CARS2: variants seen among roughly 807,000 people sequenced by gnomAD.
CARS2 encodes the protein cysteinyl-tRNA synthetase 2, mitochondrial, also known as probable cysteine--tRNA ligase, mitochondrial.
A neutral mutation model predicts 68.8 loss-of-function variants in CARS2; 52 were observed. That is an observed-to-expected ratio of 0.76 (90% confidence interval 0.61 to 0.95). The LOEUF is 0.95. CARS2 is among the 40% of genes least tolerant of loss of function. CARS2 has a pLI of 0.00. For synonymous variants in CARS2, 314 were observed against 303.6 expected (o/e 1.03, Z -0.36); for missense variants, 780 against 754.2 (o/e 1.03, Z -0.40).
At chr13:110,669,004 T>C (rs1320849951) in intron 7 of CARS2, among the ~76,000 whole-genome samples, 1 of 152,230 alleles carries the variant, frequency 6.6e-6, no homozygotes, top group Non-Finnish European at 1.5e-5. Context: ...TAAGTATTGA[T>C]AAACACATAG....
At chr13:110,706,426 C>T (rs377669041), upstream of CARS2, 53 of 181,780 alleles carry the variant, frequency 2.9e-4, 1 homozygote, top group South Asian at 0.01. Flanking sequence ...CGTGTGCGCG[C>T]GGTACCAGCC....
chr13:110,713,033 G>A, intron 1 of CARS2: 1 of 1,485,544 alleles, frequency 6.7e-7, no homozygotes, highest in Non-Finnish European at 8.9e-7. Flanking sequence ...GAGGGTGCCA[G>A]TGCGCATGCG....
In CARS2 at chr13:110,641,469, A is replaced by G; in HGVS notation, c.*68T>C. 2 of 1,299,548 alleles carry G rather than the reference A, an allele frequency of 1.5e-6. No homozygotes were observed. Among genetic ancestry groups the G allele is most frequent in the South Asian group, 1.2e-5 (1 of 84,952 alleles). The allele number at this position is 1,299,548 out of a possible 1,614,324, so 80.5% of individuals were successfully genotyped here. On this transcript the variant is annotated 3_prime_UTR_variant, in exon 15 of 15. Transcript: ENST00000257347. Reference sequence around the variant, plus strand: ...AGCAGCCCCGACAGGAAGCTTTAACATAAAGCCTTGACCCTGAGAAGCATG... The same window carrying G: ...AGCAGCCCCGACAGGAAGCTTTAACGTAAAGCCTTGACCCTGAGAAGCATG...
upstream of CARS2, chr13:110,706,146 C>T: frequency 8.1e-7 from 1 of 1,231,270 alleles, no homozygotes; most frequent in Non-Finnish European, 1.0e-6. Context: ...GCCGGGTACG[C>T]TGCCGGTCGC....
chr13:110,704,651 C>T (rs561520346), intron 2 of CARS2, among the ~76,000 whole-genome samples: 63 of 151,900 alleles, frequency 4.1e-4, no homozygotes, highest in Non-Finnish European at 7.2e-4. Flanking sequence ...TGCCAGGAGG[C>T]GGCAACTGGA....
intron 3 of CARS2, chr13:110,697,795 T>G: frequency 2.8e-6 from 1 of 362,650 alleles, no homozygotes; most frequent in Non-Finnish European, 5.4e-6. Flanking sequence ...GCACTCTTTT[T>G]AACAGCCAGA....
chr13:110,702,563 C>G (rs1461963676), intron 2 of CARS2, among the ~76,000 whole-genome samples: 5 of 152,154 alleles, frequency 3.3e-5, no homozygotes, highest in African/African-American at 1.2e-4. Flanking sequence ...AAAAAAATTA[C>G]AGGAACCTAA....
intron 3 of CARS2, among the ~76,000 whole-genome samples, chr13:110,700,420 T>G (rs527333706): frequency 5.3e-5 from 8 of 152,188 alleles, no homozygotes; most frequent in Admixed American, 1.3e-4. Flanking sequence ...CCAGTGACCT[T>G]GCTCTGAAGG....
intron 8 of CARS2, chr13:110,666,151 GA>G: frequency 2.0e-6 from 2 of 985,374 alleles, no homozygotes; most frequent in Non-Finnish European, 2.4e-6. Context: ...CCCGGCTGTG[GA>G]AATCAGTGCT....
In CARS2 at chr13:110,683,068, C is replaced by T; in HGVS notation, c.638G>A (p.Gly213Asp). Reference sequence around the variant, plus strand: ...CAACCCACCTGGCTCTCCGACTGGACCAGGGACCACGCCGACCAATTTGCC... The same window carrying T: ...CAACCCACCTGGCTCTCCGACTGGATCAGGGACCACGCCGACCAATTTGCC... ...KYGKLVGVVP[G>D]PVGEPADSDK... Residue 213 changes from glycine to aspartate, a missense_variant, in exon 6 of 15, where the codon GGT becomes GAT. Coordinates refer to ENST00000257347, the MANE Select transcript of CARS2 (RefSeq NM_024537.4). 6.2e-7 allele frequency: 1 copy of T among 1,602,336 alleles called. No homozygotes were observed. Among genetic ancestry groups the T allele is most frequent in the African/African-American group, 1.3e-5 (1 of 74,180 alleles).
chr13:110,651,981 C>G (rs1476237290), intron 9 of CARS2, among the ~76,000 whole-genome samples: 1 of 152,260 alleles, frequency 6.6e-6, no homozygotes, highest in African/African-American at 2.4e-5. Flanking sequence ...CAGGGACGCG[C>G]TCCGACGGGA....
At position 110,664,891 on chromosome 13, in the gene CARS2, C is replaced by T. The variant is rs187066337; in HGVS notation, c.920-1373G>A. ...TCCCGAGACACCGAGTCTGCCAGTGCGCTGACGCAGGACTCCCAGCCAGCA... is the reference window on the plus strand; with the variant it reads ...TCCCGAGACACCGAGTCTGCCAGTGTGCTGACGCAGGACTCCCAGCCAGCA... On this transcript the variant is annotated intron_variant, in intron 8 of 14. Coordinates refer to ENST00000257347, the MANE Select transcript of CARS2 (RefSeq NM_024537.4). The T allele has an allele frequency of 9.3e-5, 57 of 613,504 alleles. No homozygotes were observed. In the East Asian group the frequency reaches 2.7e-3, roughly 29 times the overall value. The allele number at this position is 613,504 out of a possible 1,614,324, so 38.0% of individuals were successfully genotyped here.
At position 110,676,940 on chromosome 13, in the gene CARS2, AGCCC is replaced by A. The variant is rs764269219; in HGVS notation, c.785+30_785+33del. ...CCTGAGCAGGCACCAGGGGAACTTGAGCCCCAACCCCCAGGAAGCGGCAGGCACC... is the reference window on the plus strand; with the variant it reads ...CCTGAGCAGGCACCAGGGGAACTTGACAACCCCCAGGAAGCGGCAGGCACC... On this transcript the variant is annotated intron_variant, in intron 7 of 14. Coordinates refer to ENST00000257347, the MANE Select transcript of CARS2 (RefSeq NM_024537.4). This position sits in a 1 kb window ranked among gnomAD's most constrained non-coding sequence, Gnocchi z 4.0. 9 of 1,497,684 alleles carry A rather than the reference AGCCC, an allele frequency of 6.0e-6. No individual in the cohort carries two copies. Among genetic ancestry groups the A allele is most frequent in the Non-Finnish European group, 8.1e-6 (9 of 1,117,478 alleles). The allele number at this position is 1,497,684 out of a possible 1,614,324, so 92.8% of individuals were successfully genotyped here.
chr13:110,642,221 G>C, intron 14 of CARS2, 94 bp downstream of exon 14: 1 of 962,958 alleles, frequency 1.0e-6, no homozygotes, highest in Non-Finnish European at 1.6e-6. Flanking sequence ...AAAAAAGCAT[G>C]GTCACGGGGG....
At chr13:110,709,090 T>C (rs887402266), upstream of CARS2, among the ~76,000 whole-genome samples, 42 of 151,452 alleles carry the variant, frequency 2.8e-4, no homozygotes, top group Non-Finnish European at 5.0e-4. Flanking sequence ...TTCTTTTTTT[T>C]TTTTTTGAGA....
At chr13:110,664,214 G>A (rs1430521063) in intron 8 of CARS2, 1 of 985,060 alleles carries the variant, frequency 1.0e-6, no homozygotes, top group African/African-American at 1.7e-5. Flanking sequence ...ACTTCAAACA[G>A]GAGTCCTCCA....
chr13:110,701,506 CA>C lies in CARS2; in HGVS notation c.324del (p.Phe108LeufsTer5). The C allele has an allele frequency of 5.6e-6, 9 of 1,599,062 alleles. No homozygotes were observed. The highest frequency in any genetic ancestry group is 7.7e-6 in the Non-Finnish European group (9 of 1,166,344). On this transcript the variant is annotated frameshift_variant, in exon 3 of 15. Coordinates refer to ENST00000257347, the MANE Select transcript of CARS2 (RefSeq NM_024537.4). LOFTEE classifies it high-confidence loss of function. ...CCCATCACCATGACTATGCTGCATC[CA>C]AAAACCTTGGTTAGGATCCTTCGAA... is the stretch of plus-strand genomic sequence containing the variant. ...DIIRRILTKV[F>X]GCSIVMVMGI...
chr13:110,712,898 A>G, intron 1 of CARS2: 1 of 1,506,236 alleles, frequency 6.6e-7, no homozygotes, highest in Non-Finnish European at 9.0e-7. Flanking sequence ...GGGAGACGAC[A>G]CAAAGGGAGG....
In CARS2 at chr13:110,675,114, T is replaced by C. The variant is rs1486229566; in HGVS notation, c.785+1860A>G. Among the ~76,000 whole-genome samples the C allele has an allele frequency of 2.6e-5, 4 of 152,332 alleles. No individual in the cohort carries two copies. The South Asian group carries it at 6.2e-4, about 24-fold the overall frequency. On this transcript the variant is annotated intron_variant, in intron 7 of 14. Transcript: ENST00000257347. ...AACACTTTTACACTGTTGGTGGGAC[T>C]GTAAACTAGTTCAACCATTGTGCAA...
Sources: allele counts gnomAD v4.1 joint callset (sites outside exome capture counted in the v4.1 genomes callset), GRCh38; gene constraint gnomAD v4.1.1; non-coding constraint Gnocchi (gnomAD v3.1); transcripts MANE v1.5; gene names NCBI Gene and HGNC (gene_info 2026-07-23, HGNC 2026-07-21).